The following KLHL3 variants were observed in gnomAD, a reference collection of about 807,000 sequenced individuals.
KLHL3 encodes the protein kelch-like protein 3.
In KLHL3, 19 loss-of-function variants were observed where a neutral mutation model predicts 70.5. The observed-to-expected ratio is 0.27, with a 90% CI of 0.19 to 0.40. The LOEUF (loss-of-function observed/expected upper bound fraction) is 0.40. KLHL3 is among the 10% of genes least tolerant of loss of function. The pLI is 1.00. For missense variants in KLHL3, 512 were observed against 771.1 expected (o/e 0.66, Z 3.98); for synonymous variants, 258 against 290.3 (o/e 0.89, Z 1.13).
intron 3 of KLHL3, among the ~76,000 whole-genome samples, chr5:137,700,612 A>G (rs534769517): frequency 5.0e-4 from 76 of 152,338 alleles, no homozygotes; most frequent in African/African-American, 1.8e-3. Context: ...ACAGGCGTCT[A>G]TGATTCAGAA....
Position 137,619,308 on chromosome 5 carries a change from A to G in KLHL3, c.*2790T>C, listed in dbSNP as rs1481972905. Reference sequence around the variant, plus strand: ...GTCAGTTTTATTTGCATAATACTGCAACTTTGTAGATGGAGAGATGCCATT... The same window carrying G: ...GTCAGTTTTATTTGCATAATACTGCGACTTTGTAGATGGAGAGATGCCATT... On this transcript the variant is annotated 3_prime_UTR_variant, in exon 15 of 15. Transcript: ENST00000309755. The G allele has an allele frequency of 2.0e-5, 3 of 152,658 alleles. No individual in the cohort carries two copies. Among genetic ancestry groups the G allele is most frequent in the Non-Finnish European group, 4.4e-5 (3 of 68,044 alleles). The allele number at this position is 152,658 out of a possible 1,614,324, so 9.5% of individuals were successfully genotyped here.
intron 1 of KLHL3, among the ~76,000 whole-genome samples, chr5:137,735,173 G>A (rs1202518135): frequency 6.6e-6 from 1 of 152,200 alleles, no homozygotes; most frequent in Non-Finnish European, 1.5e-5. Context: ...TGGCATGCTT[G>A]CTGAAGATTC....
intron 8 of KLHL3, among the ~76,000 whole-genome samples, chr5:137,645,026 AACGAT>A (rs1290181241): frequency 6.6e-6 from 1 of 152,186 alleles, no homozygotes; most frequent in Non-Finnish European, 1.5e-5. Context: ...AATCAATAAA[AACGAT>A]ACGTCACATT....
At chr5:137,677,709 G>T in intron 5 of KLHL3, 55 bp from the exon 6 acceptor site, 1 of 1,096,564 alleles carries the variant, frequency 9.1e-7, no homozygotes, top group South Asian at 1.6e-5. Context: ...ACACACTTCT[G>T]CCCTTCCATG....
chr5:137,644,583 T>C (rs1051533899), intron 8 of KLHL3, among the ~76,000 whole-genome samples: 1 of 152,184 alleles, frequency 6.6e-6, no homozygotes, highest in Admixed American at 6.5e-5. Flanking sequence ...TAATTTTTCC[T>C]GGACACATAC....
At chr5:137,728,688 C>T (rs1753123441) in intron 1 of KLHL3, among the ~76,000 whole-genome samples, 2 of 151,986 alleles carry the variant, frequency 1.3e-5, no homozygotes, top group South Asian at 2.1e-4. Flanking sequence ...AAAAAACATG[C>T]TAGAAAGGCA....
chr5:137,718,101 G>A (rs1355571848), intron 2 of KLHL3, among the ~76,000 whole-genome samples: 1 of 152,224 alleles, frequency 6.6e-6, no homozygotes, highest in East Asian at 1.9e-4. Flanking sequence ...GAGGGGTACA[G>A]TATATAGCAT....
chr5:137,627,198 T>C (rs931453108), intron 13 of KLHL3, among the ~76,000 whole-genome samples: 1 of 152,188 alleles, frequency 6.6e-6, no homozygotes, highest in African/African-American at 2.4e-5. Flanking sequence ...TAAATAAGTT[T>C]AGTGTTGTAA....
chr5:137,676,620 A>T (rs1275577317), intron 6 of KLHL3, among the ~76,000 whole-genome samples: 3 of 152,230 alleles, frequency 2.0e-5, no homozygotes, highest in Non-Finnish European at 4.4e-5. Context: ...CTAGGTACCA[A>T]GGACTATACC....
intron 4 of KLHL3, among the ~76,000 whole-genome samples, chr5:137,695,251 T>C (rs1201829718): frequency 4.6e-5 from 7 of 152,204 alleles, no homozygotes; most frequent in South Asian, 2.1e-4. Flanking sequence ...TTCCCTACTG[T>C]TCACAATACC....
intron 14 of KLHL3, among the ~76,000 whole-genome samples, chr5:137,625,383 G>A (rs574849901): frequency 2.2e-4 from 33 of 152,104 alleles, no homozygotes; most frequent in Non-Finnish European, 8.8e-5. Context: ...AACAACAATC[G>A]CATCTTATGC....
Position 137,709,860 on chromosome 5 carries a change from T to C in KLHL3, c.135-4A>G, listed in dbSNP as rs1752759297. 3.7e-6 allele frequency: 6 copies of C among 1,612,232 alleles called. No homozygotes were observed. The highest frequency in any genetic ancestry group is 5.1e-6 in the Non-Finnish European group (6 of 1,178,500). ...CACGTCACACAACAGCTGTTTACTGTAAGACACCAGTGAGAGGACAGGATG... is the reference window on the plus strand; with the variant it reads ...CACGTCACACAACAGCTGTTTACTGCAAGACACCAGTGAGAGGACAGGATG... On this transcript the variant is annotated splice_polypyrimidine_tract_variant and splice_region_variant and intron_variant, in intron 2 of 14. Coordinates refer to ENST00000309755, the MANE Select transcript of KLHL3 (RefSeq NM_017415.3).
At chr5:137,660,778 T>G (rs1403912685) in intron 7 of KLHL3, 1 of 152,224 alleles carries the variant, frequency 6.6e-6, no homozygotes, top group Non-Finnish European at 1.5e-5. Flanking sequence ...CACTGTATTA[T>G]AGGCCTACAT....
intron 1 of KLHL3, among the ~76,000 whole-genome samples, chr5:137,722,496 A>T (rs1309157207): frequency 2.6e-5 from 4 of 152,210 alleles, no homozygotes; most frequent in East Asian, 3.8e-4. Context: ...TTGAGACTTG[A>T]ATCAGAGAGG....
chr5:137,648,026 T>C (rs1457686729), intron 8 of KLHL3, among the ~76,000 whole-genome samples: 1 of 152,212 alleles, frequency 6.6e-6, no homozygotes, highest in Non-Finnish European at 1.5e-5. Flanking sequence ...GCTTGATAAA[T>C]AGTAAACACT....
chr5:137,683,759 CTCTCTT>C (rs1487772020), intron 5 of KLHL3, among the ~76,000 whole-genome samples: 1 of 52,288 alleles, frequency 1.9e-5, no homozygotes, highest in East Asian at 5.1e-3. Flanking sequence ...CTCTCTCTAG[CTCTCTT>C]TCTCTCTCTC....
chr5:137,633,278 CAAAAAAAAAAAAAAAA>C (rs56084512), intron 12 of KLHL3, among the ~76,000 whole-genome samples: 1 of 72,002 alleles, frequency 1.4e-5, no homozygotes, highest in African/African-American at 6.1e-5. Flanking sequence ...GACTTCATCT[CAAAAAAAAAAAAAAAA>C]AAAAAAAAGT....
At chr5:137,697,656 T>C (rs1752477470) in intron 4 of KLHL3, among the ~76,000 whole-genome samples, 1 of 152,204 alleles carries the variant, frequency 6.6e-6, no homozygotes, top group Non-Finnish European at 1.5e-5. Context: ...CACCAAACAG[T>C]GAACATTATG....
intron 5 of KLHL3, among the ~76,000 whole-genome samples, chr5:137,684,455 CTCAA>C (rs1257153167): frequency 2.0e-5 from 3 of 152,210 alleles, no homozygotes; most frequent in East Asian, 3.9e-4. Flanking sequence ...TCTCAAATGA[CTCAA>C]TCAATCAAAA....
Sources: allele counts gnomAD v4.1 joint callset (sites outside exome capture counted in the v4.1 genomes callset), GRCh38; gene constraint gnomAD v4.1.1; transcripts MANE v1.5; gene names NCBI Gene and HGNC (gene_info 2026-07-23, HGNC 2026-07-21).